Variants in GPC3 observed in about 807,000 individuals in gnomAD.
GPC3 encodes the protein glypican 3.
GPC3 carries 3 observed loss-of-function variants against 34.4 expected under a neutral mutation model. That is an observed-to-expected ratio of 0.09 (90% CI 0.04 to 0.23). GPC3 has a LOEUF of 0.23. GPC3 is among the 10% of genes least tolerant of loss of function. The pLI is 1.00. For missense variants in GPC3, 351 were observed against 445.6 expected (o/e 0.79, Z 1.91); for synonymous variants, 177 against 174.0 (o/e 1.02, Z -0.13).
intron 2 of GPC3, among the ~76,000 whole-genome samples, chrX:133,942,849 T>G (rs1464385610): frequency 8.9e-6 from 1 of 112,122 alleles, no homozygotes; most frequent in Non-Finnish European, 1.9e-5. Flanking sequence ...TTCTTTCTAA[T>G]GAACCTATGA....
intron 1 of GPC3, among the ~76,000 whole-genome samples, chrX:133,972,770 C>T (rs193097694): frequency 2.7e-5 from 3 of 111,741 alleles, no homozygotes; most frequent in South Asian, 3.8e-4. Flanking sequence ...TTCAAGGTTT[C>T]GAGTTGGTGC....
At chrX:133,862,778 A>G (rs2075944222) in intron 2 of GPC3, among the ~76,000 whole-genome samples, 1 of 112,461 alleles carries the variant, frequency 8.9e-6, no homozygotes. Flanking sequence ...AGGCTTCCAC[A>G]TATGGTCGTG....
intron 3 of GPC3, among the ~76,000 whole-genome samples, chrX:133,706,537 G>A (rs1169076351): frequency 8.9e-6 from 1 of 111,887 alleles, no homozygotes; most frequent in African/African-American, 3.2e-5. Flanking sequence ...TAAAAAGTGG[G>A]CAAAGGACAT....
intron 2 of GPC3, among the ~76,000 whole-genome samples, chrX:133,946,438 A>G (rs1250134510): frequency 1.8e-5 from 2 of 111,766 alleles, no homozygotes; most frequent in Non-Finnish European, 3.8e-5. Flanking sequence ...AAATGAGATA[A>G]GTAAAACACT....
intron 2 of GPC3, among the ~76,000 whole-genome samples, chrX:133,930,375 G>A (rs1286215603): frequency 8.9e-6 from 1 of 112,018 alleles, no homozygotes; most frequent in African/African-American, 3.2e-5. Flanking sequence ...TGTCCCAAAT[G>A]TTCAAATGTT....
chrX:133,641,282 C>T (rs2070478429), intron 6 of GPC3, among the ~76,000 whole-genome samples: 1 of 110,018 alleles, frequency 9.1e-6, no homozygotes, highest in African/African-American at 3.3e-5. Context: ...TTGAGACCAG[C>T]CTGGCCAACA....
intron 6 of GPC3, among the ~76,000 whole-genome samples, chrX:133,604,801 G>A (rs2070028450): frequency 9.0e-6 from 1 of 111,714 alleles, no homozygotes; most frequent in Non-Finnish European, 1.9e-5. Flanking sequence ...TTATAAAACT[G>A]ATTTTGAACT....
intron 2 of GPC3, among the ~76,000 whole-genome samples, chrX:133,942,492 A>G (rs188081371): frequency 1.4e-3 from 155 of 112,051 alleles, no homozygotes; most frequent in Non-Finnish European, 2.1e-3. Context: ...CATTATTGAC[A>G]TGGAAAGATG....
chrX:133,567,295 C>T (rs751533046), intron 7 of GPC3, among the ~76,000 whole-genome samples: 1 of 111,944 alleles, frequency 8.9e-6, no homozygotes, highest in South Asian at 3.8e-4. Context: ...TCTGTCTCAC[C>T]CACTAGGCCC....
chrX:133,620,191 G>A (rs2070216198), intron 6 of GPC3, among the ~76,000 whole-genome samples: 2 of 91,464 alleles, frequency 2.2e-5, no homozygotes, highest in Non-Finnish European at 4.1e-5. Flanking sequence ...CTGCACTTCA[G>A]CCTGGGAGAC....
intron 6 of GPC3, among the ~76,000 whole-genome samples, chrX:133,602,968 A>G (rs2070001853): frequency 9.0e-6 from 1 of 110,914 alleles, no homozygotes; most frequent in Non-Finnish European, 1.9e-5. Context: ...TCCCCCAAAC[A>G]CCTAACAGAA....
chrX:133,843,309 C>G (rs1284684900), intron 2 of GPC3, among the ~76,000 whole-genome samples: 1 of 111,529 alleles, frequency 9.0e-6, no homozygotes, highest in Non-Finnish European at 1.9e-5. Flanking sequence ...GGTTTAGCAC[C>G]ATCTCCTTGG....
chrX:133,579,687 G>T (rs1227199226), intron 7 of GPC3, among the ~76,000 whole-genome samples: 2 of 110,944 alleles, frequency 1.8e-5, no homozygotes, highest in Admixed American at 1.9e-4. Context: ...GGGACTACAG[G>T]CTCACACTAC....
chrX:133,945,710 G>A (rs2076365150), intron 2 of GPC3, among the ~76,000 whole-genome samples: 1 of 108,080 alleles, frequency 9.3e-6, no homozygotes, highest in African/African-American at 3.4e-5. Flanking sequence ...GCCAAGATCA[G>A]GCCATTGTAC....
chrX:133,719,872 C>T (rs181140050), intron 3 of GPC3, among the ~76,000 whole-genome samples: 1 of 111,453 alleles, frequency 9.0e-6, no homozygotes, highest in East Asian at 2.8e-4. Context: ...AAAGAAAAAA[C>T]AAATAGTCCC....
chrX:133,597,849 CAACT>C (rs899131171), intron 6 of GPC3, among the ~76,000 whole-genome samples: 14 of 110,642 alleles, frequency 1.3e-4, no homozygotes, highest in Admixed American at 7.8e-4. Flanking sequence ...GCCAATCTAC[CAACT>C]GTCTCCCACT....
intron 5 of GPC3, among the ~76,000 whole-genome samples, chrX:133,685,087 A>C (rs1196812312): frequency 9.0e-6 from 1 of 111,366 alleles, no homozygotes; most frequent in Non-Finnish European, 1.9e-5. Context: ...TGTACTCCAA[A>C]AGCTATAGAA....
Position 133,699,899 on chromosome X carries a change from T to C in GPC3, c.1162A>G (p.Arg388Gly), listed in dbSNP as rs199812705. The C allele has an allele frequency of 1.3e-5, 16 of 1,202,139 alleles. No homozygotes were observed. In the Admixed American group the frequency reaches 3.5e-4, roughly 26 times the overall value. Reference sequence around the variant, plus strand: ...AAGAAAAAAGAAACCTCTCACCTTCTTCGGCTGGATAAGGTTTCTTCATGT... The same window carrying C: ...AAGAAAAAAGAAACCTCTCACCTTCCTCGGCTGGATAAGGTTTCTTCATGT... Reference protein sequence around the residue: ...VEHEETLSSRRRELIQKLKSF... With the variant: ...VEHEETLSSRGRELIQKLKSF... Residue 388 changes from arginine to glycine, a missense_variant, in exon 4 of 8, where the codon AGA becomes GGA. Arg to Gly is a moderately radical substitution (Grantham distance 125). Transcript: ENST00000370818.
chrX:133,648,329 T>C (rs1465639695), intron 6 of GPC3, among the ~76,000 whole-genome samples: 1 of 109,550 alleles, frequency 9.1e-6, no homozygotes, highest in Non-Finnish European at 1.9e-5. Context: ...GTGTATTTTA[T>C]GTGTGGCCCA....
Sources: gnomAD v4.1 joint callset for allele counts (sites outside exome capture counted in the v4.1 genomes callset) on GRCh38, gnomAD v4.1.1 for gene constraint, MANE v1.5 for transcripts, NCBI Gene and HGNC (gene_info 2026-07-23, HGNC 2026-07-21) for gene names.